CYFIP2: variants seen among roughly 807,000 people sequenced by gnomAD.
CYFIP2 encodes the protein cytoplasmic FMR1 interacting protein 2.
A neutral mutation model predicts 158.7 loss-of-function variants in CYFIP2; 29 were observed. That is an observed-to-expected ratio of 0.18 (90% CI 0.14 to 0.25). CYFIP2 has a LOEUF of 0.25. Among genes scored for constraint, CYFIP2 ranks in the 10% least tolerant of loss-of-function variants. CYFIP2 has a pLI of 1.00. For missense variants in CYFIP2, 852 were observed against 1,639.5 expected, an observed-to-expected ratio of 0.52 and a Z score of 8.29; for synonymous variants, 585 against 617.6, an observed-to-expected ratio of 0.95 and a Z score of 0.78.
intron 15 of CYFIP2, among the ~76,000 whole-genome samples, chr5:157,322,674 G>A (rs1420043437): frequency 6.6e-6 from 1 of 152,204 alleles, no homozygotes; most frequent in Non-Finnish European, 1.5e-5. Context: ...CAGGGATGGT[G>A]GGTCACACGT....
At chr5:157,360,159 C>T (rs370091722) in intron 24 of CYFIP2, 123 bp from the exon 25 acceptor site, 14 of 725,586 alleles carry the variant, frequency 1.9e-5, no homozygotes, top group East Asian at 7.9e-5. Flanking sequence ...TTATAAAGGT[C>T]AAAGGGACTG....
rs568756976 is a variant in CYFIP2 at position 157,326,467 on chromosome 5, CT to C, written c.2079+203del. On this transcript the variant is annotated intron_variant, in intron 18 of 30. Transcript: ENST00000620254. ...AGACACCCAGCTCAGGGCCTGCTGC[CT>C]TTCTCTTCCCACCCACAAACTCTGT... Among the ~76,000 whole-genome samples the C allele has an allele frequency of 9.8e-4, 150 of 152,352 alleles. 1 individual carries two copies. The highest frequency in any genetic ancestry group is 3.2e-3 in the African/African-American group (135 of 41,586).
rs1215926650 is a variant in CYFIP2, at chr5:157,311,002, A to G, written c.993-662A>G. ...TCATTCATTTCCTCTCTGACTTAGG[A>G]TGGTTTTCCTAATGACATCTTTTCA... is the stretch of plus-strand genomic sequence containing the variant. On this transcript the variant is annotated intron_variant, in intron 10 of 30. Transcript: ENST00000620254. This position sits in a 1 kb window ranked among gnomAD's most constrained non-coding sequence, Gnocchi z 4.7. 2.2e-6 allele frequency: 1 copy of G among 454,740 alleles called. No homozygotes were observed. The highest frequency in any genetic ancestry group is 3.3e-4 in the Middle Eastern group (1 of 3,066). The allele number at this position is 454,740 out of a possible 1,614,324, so 28.2% of individuals were successfully genotyped here.
At chr5:157,283,600 A>G (rs1388698971) in intron 1 of CYFIP2, among the ~76,000 whole-genome samples, 2 of 152,226 alleles carry the variant, frequency 1.3e-5, no homozygotes, top group Admixed American at 6.5e-5. Flanking sequence ...TGAGGAAGTT[A>G]CCTCTGGGCT....
intron 26 of CYFIP2, among the ~76,000 whole-genome samples, chr5:157,372,340 A>C (rs1018776703): frequency 7.4e-6 from 1 of 134,564 alleles, no homozygotes; most frequent in Non-Finnish European, 1.6e-5. Flanking sequence ...TTTACTCTCA[A>C]ATGACTCAGT....
At chr5:157,366,129 C>T (rs1684129158) in intron 26 of CYFIP2, among the ~76,000 whole-genome samples, 1 of 152,006 alleles carries the variant, frequency 6.6e-6, no homozygotes, top group African/African-American at 2.4e-5. Context: ...ACAATTTGTC[C>T]CTCTTTAATC....
At chr5:157,333,986 C>G (rs918252471) in intron 21 of CYFIP2, among the ~76,000 whole-genome samples, 2 of 152,254 alleles carry the variant, frequency 1.3e-5, no homozygotes, top group Non-Finnish European at 2.9e-5. Context: ...CGACTCTCTG[C>G]TAATTCTCTC....
chr5:157,351,867 C>T (rs1763094926), intron 23 of CYFIP2, among the ~76,000 whole-genome samples: 1 of 152,160 alleles, frequency 6.6e-6, no homozygotes, highest in Non-Finnish European at 1.5e-5. Context: ...AACATCTAAC[C>T]ACCTGATGTG....
At chr5:157,372,682 G>A (rs1449836038) in intron 26 of CYFIP2, among the ~76,000 whole-genome samples, 3 of 152,152 alleles carry the variant, frequency 2.0e-5, no homozygotes, top group Non-Finnish European at 4.4e-5. Context: ...TGCTAGCATC[G>A]AACTTGGCTG....
chr5:157,343,182 T>C (rs1447513431), intron 23 of CYFIP2: 1 of 1,614,178 alleles, frequency 6.2e-7, no homozygotes, highest in Admixed American at 1.7e-5. Context: ...GCCAGCAGAA[T>C]GGCCATCAGC....
intron 1 of CYFIP2, among the ~76,000 whole-genome samples, chr5:157,282,303 TG>T (rs1757049811): frequency 6.6e-6 from 1 of 152,026 alleles, no homozygotes; most frequent in Admixed American, 6.5e-5. Flanking sequence ...GTGGGCAGTG[TG>T]GGGGAGGGAG....
chr5:157,308,117 T>C (rs886988258), intron 9 of CYFIP2, among the ~76,000 whole-genome samples: 1 of 151,206 alleles, frequency 6.6e-6, no homozygotes, highest in African/African-American at 2.4e-5. Context: ...AGGATTCAGC[T>C]GGGATTTGGC....
chr5:157,302,764 T>C (rs746024991), intron 6 of CYFIP2, 30 bp from the exon 7 acceptor site: 9 of 1,544,604 alleles, frequency 5.8e-6, no homozygotes, highest in Non-Finnish European at 8.8e-7. Context: ...TGGACAGTCC[T>C]CTCTGCAGCA....
Position 157,395,322 on chromosome 5 carries a change from C to A in CYFIP2, c.*2322C>A. 3.5e-6 allele frequency: 1 copy of A among 286,300 alleles called. No individual in the cohort carries two copies. Among genetic ancestry groups the A allele is most frequent in the African/African-American group, 2.3e-5 (1 of 43,400 alleles). The allele number at this position is 286,300 out of a possible 1,614,324, so 17.7% of individuals were successfully genotyped here. A position where few individuals can be genotyped will look rare whatever the true frequency, so the allele number is the denominator to read the frequency against. ...TCTAATAACCAGGAAAAAAATAAAG[C>A]TTAGGTTTTAAAAAGTTTTAAAAAT... On this transcript the variant is annotated 3_prime_UTR_variant, in exon 31 of 31. Coordinates refer to ENST00000620254, the MANE Select transcript of CYFIP2 (RefSeq NM_001037333.3).
intron 26 of CYFIP2, among the ~76,000 whole-genome samples, chr5:157,371,710 TTAAC>T (rs1335435045): frequency 6.6e-6 from 1 of 152,200 alleles, no homozygotes; most frequent in Non-Finnish European, 1.5e-5. Flanking sequence ...CAGTTTTAAA[TTAAC>T]TATAATATGA....
chr5:157,298,531 A>T (rs1373020780), intron 5 of CYFIP2, among the ~76,000 whole-genome samples: 1 of 147,716 alleles, frequency 6.8e-6, no homozygotes, highest in Non-Finnish European at 1.5e-5. Flanking sequence ...TTTTTAGTAG[A>T]TATGGGGTTT....
intron 1 of CYFIP2, among the ~76,000 whole-genome samples, chr5:157,268,120 C>A (rs1755769391): frequency 1.3e-5 from 2 of 152,236 alleles, no homozygotes; most frequent in African/African-American, 4.8e-5. Context: ...AGTGTTGTTG[C>A]TTACAAAGTC....
intron 26 of CYFIP2, among the ~76,000 whole-genome samples, chr5:157,369,873 G>A (rs1476060640): frequency 1.8e-5 from 2 of 113,254 alleles, no homozygotes; most frequent in East Asian, 4.1e-4. Context: ...CTTGAGAATG[G>A]ACCTAGTTTT....
At chr5:157,388,793 A>G (rs1766960032) in intron 28 of CYFIP2, among the ~76,000 whole-genome samples, 1 of 152,192 alleles carries the variant, frequency 6.6e-6, no homozygotes, top group Admixed American at 6.5e-5. Flanking sequence ...AATGGACTCA[A>G]TACCTATCAA....
Sources: gnomAD v4.1 joint callset for allele counts (sites outside exome capture counted in the v4.1 genomes callset) on GRCh38, gnomAD v4.1.1 for gene constraint, Gnocchi (gnomAD v3.1) non-coding constraint, MANE v1.5 for transcripts, NCBI Gene and HGNC (gene_info 2026-07-23, HGNC 2026-07-21) for gene names.